FAR2: variants seen among roughly 807,000 people sequenced by gnomAD.
FAR2 encodes the protein fatty acyl-CoA reductase 2, also known as epididymis secretory protein Li 81.
Under a neutral mutation model 56.0 loss-of-function variants are expected in FAR2, and 19 were observed. That is an observed-to-expected ratio of 0.34 (90% CI 0.24 to 0.50). The LOEUF (loss-of-function observed/expected upper bound fraction) is 0.50, where lower values mean the gene tolerates loss of function less well. FAR2 is among the 20% of genes least tolerant of loss of function. The pLI is 0.98. For missense variants in FAR2, 508 were observed against 642.2 expected (o/e 0.79, Z 2.26); for synonymous variants, 219 against 218.8 (o/e 1.00, Z -0.01).
At chr12:29,300,845 G>A (rs3782509) in intron 4 of FAR2, among the ~76,000 whole-genome samples, 45,719 of 152,044 alleles carry the variant, frequency 0.3, 6,986 homozygotes, top group East Asian at 0.35. Context: ...CAGAAAATCA[G>A]TTGAATGGGA....
At chr12:29,213,214 A>G (rs1379806973) in intron 1 of FAR2, among the ~76,000 whole-genome samples, 2 of 151,886 alleles carry the variant, frequency 1.3e-5, no homozygotes, top group Non-Finnish European at 2.9e-5. Flanking sequence ...CATGTGTTTT[A>G]TTGTAGCAAC....
At chr12:29,261,456 TC>T (rs1948417119) in intron 1 of FAR2, among the ~76,000 whole-genome samples, 1 of 150,938 alleles carries the variant, frequency 6.6e-6, no homozygotes, top group African/African-American at 2.4e-5. Context: ...AATGTAAGAG[TC>T]ATTGGCCTTA....
chr12:29,312,271 C>T (rs928066006), intron 8 of FAR2, among the ~76,000 whole-genome samples: 1 of 152,158 alleles, frequency 6.6e-6, no homozygotes, highest in African/African-American at 2.4e-5. Flanking sequence ...ATACTCCTCC[C>T]TGTTGGAGCA....
At position 29,168,476 on chromosome 12, in the gene FAR2, C is replaced by A. The variant is rs186293284; in HGVS notation, c.-39+19069C>A. Among the ~76,000 whole-genome samples the A allele has an allele frequency of 3.9e-5, 6 of 152,174 alleles. No homozygotes were observed. The East Asian group carries it at 1.2e-3, about 29-fold the overall frequency. On this transcript the variant is annotated intron_variant, in intron 1 of 11. Coordinates refer to ENST00000536681, the MANE Select transcript of FAR2 (RefSeq NM_001271783.2). ...AAGAACAGGCTCAGAAAGAAATGAA[C>A]AGAAAGTAATTCAAACTACCAATAA... is the stretch of plus-strand genomic sequence containing the variant.
chr12:29,274,584 A>G (rs1406201369), intron 2 of FAR2, among the ~76,000 whole-genome samples: 1 of 151,988 alleles, frequency 6.6e-6, no homozygotes. Context: ...CTAAGCCATC[A>G]TATCCCCTGT....
At chr12:29,167,095 G>C (rs148992212) in intron 1 of FAR2, among the ~76,000 whole-genome samples, 1 of 152,202 alleles carries the variant, frequency 6.6e-6, no homozygotes, top group African/African-American at 2.4e-5. Flanking sequence ...GCAGTCAGGC[G>C]TTGCTGGAGA....
intron 9 of FAR2, among the ~76,000 whole-genome samples, chr12:29,320,249 T>C (rs1466404767): frequency 1.3e-5 from 2 of 152,206 alleles, no homozygotes; most frequent in Non-Finnish European, 2.9e-5. Flanking sequence ...GTAATACAAG[T>C]ATATTTTCTA....
chr12:29,302,044 C>G (rs1180311571), intron 4 of FAR2: 2 of 151,978 alleles, frequency 1.3e-5, no homozygotes, highest in Non-Finnish European at 2.9e-5. Flanking sequence ...TCCTGGCTAA[C>G]GCGGTGAAAC....
chr12:29,294,425 G>A (rs1949021867), intron 3 of FAR2, among the ~76,000 whole-genome samples: 1 of 151,528 alleles, frequency 6.6e-6, no homozygotes, highest in African/African-American at 2.4e-5. Context: ...TTGGCTCACT[G>A]CAACCTCCGC....
intron 1 of FAR2, among the ~76,000 whole-genome samples, chr12:29,257,532 A>G (rs975750433): frequency 4.6e-5 from 7 of 152,190 alleles, no homozygotes; most frequent in African/African-American, 1.7e-4. Context: ...GCTCTTTGCA[A>G]TAAATCTTGC....
chr12:29,285,592 A>C (rs1380185466), intron 2 of FAR2, among the ~76,000 whole-genome samples: 2 of 152,074 alleles, frequency 1.3e-5, no homozygotes, highest in East Asian at 1.9e-4. Flanking sequence ...GGAAGGAAAA[A>C]AATCTCTTCC....
intron 3 of FAR2, among the ~76,000 whole-genome samples, chr12:29,295,930 G>A (rs1469450729): frequency 4.6e-5 from 7 of 150,606 alleles, no homozygotes; most frequent in Non-Finnish European, 5.9e-5. Flanking sequence ...CACCGCGCCC[G>A]GCTAATTTTT....
At chr12:29,277,525 AGT>A (rs1193910906) in intron 2 of FAR2, 1 of 152,232 alleles carries the variant, frequency 6.6e-6, no homozygotes. Flanking sequence ...CTTAAAGTCC[AGT>A]GAGGCAAACG....
intron 2 of FAR2, among the ~76,000 whole-genome samples, chr12:29,275,957 G>A (rs1316750852): frequency 1.3e-5 from 2 of 152,182 alleles, no homozygotes; most frequent in Non-Finnish European, 1.5e-5. Flanking sequence ...GGTTCTCAAA[G>A]TGTGGTCCCA....
rs141036039 is a variant in FAR2, at chr12:29,194,373, C to T, written c.-39+44966C>T. Among the ~76,000 whole-genome samples, 929 of 152,140 alleles carry T rather than the reference C, an allele frequency of 6.1e-3. 7 individuals are homozygous for T. Among genetic ancestry groups the T allele is most frequent in the Non-Finnish European group, 8.3e-3 (561 of 67,990 alleles). ...GAAAAATTGATGTTTAAGCTAAATG[C>T]GCATTTCTTCCTAGGTACTGATATG... On this transcript the variant is annotated intron_variant, in intron 1 of 11. Transcript: ENST00000536681.
intron 9 of FAR2, among the ~76,000 whole-genome samples, chr12:29,319,245 C>T (rs2136807789): frequency 6.6e-6 from 1 of 152,274 alleles, no homozygotes; most frequent in South Asian, 2.1e-4. Context: ...CCCGCCTCGG[C>T]CTCCCAAAGT....
intron 1 of FAR2, among the ~76,000 whole-genome samples, chr12:29,255,776 C>T (rs1234546401): frequency 1.3e-5 from 2 of 152,166 alleles, no homozygotes; most frequent in Admixed American, 1.3e-4. Context: ...AGGCATGCAC[C>T]ACCATGTCTG....
chr12:29,227,244 A>G (rs769868912), intron 1 of FAR2, among the ~76,000 whole-genome samples: 4 of 152,184 alleles, frequency 2.6e-5, no homozygotes, highest in Non-Finnish European at 4.4e-5. Context: ...ATTTTATTTA[A>G]GGCATTTTGA....
chr12:29,291,233 C>G (rs943452907), intron 2 of FAR2, among the ~76,000 whole-genome samples: 1 of 152,124 alleles, frequency 6.6e-6, no homozygotes. Flanking sequence ...AATTTAAGAA[C>G]AGACATGAAT....
Sources: allele counts gnomAD v4.1 joint callset (sites outside exome capture counted in the v4.1 genomes callset), GRCh38; gene constraint gnomAD v4.1.1; transcripts MANE v1.5; gene names NCBI Gene and HGNC (gene_info 2026-07-23, HGNC 2026-07-21).